The following GNG12 variants were observed in gnomAD, a reference collection of about 807,000 sequenced individuals.
The protein encoded by GNG12 is G protein subunit gamma 12, also known as guanine nucleotide-binding protein G(I)/G(S)/G(O) subunit gamma-12.
For synonymous variants in GNG12, 28 were observed against 29.7 expected, an observed-to-expected ratio of 0.94 and a Z score of 0.19; for missense variants, 69 against 83.8, an observed-to-expected ratio of 0.82 and a Z score of 0.69.
At chr1:67,757,447 A>T (rs1421884347) in intron 2 of GNG12, among the ~76,000 whole-genome samples, 2 of 152,148 alleles carry the variant, frequency 1.3e-5, no homozygotes, top group South Asian at 2.1e-4. Context: ...CTCATCACTC[A>T]TGTCTCCTTC....
At chr1:67,810,601 T>C (rs1394562353) in intron 1 of GNG12, among the ~76,000 whole-genome samples, 2 of 152,210 alleles carry the variant, frequency 1.3e-5, no homozygotes, top group East Asian at 1.9e-4. Flanking sequence ...TAAAAAAAGA[T>C]TGATTTGTGA....
chr1:67,756,273 T>A (rs1352848039), intron 2 of GNG12, among the ~76,000 whole-genome samples: 2 of 152,026 alleles, frequency 1.3e-5, no homozygotes, highest in Admixed American at 6.5e-5. Context: ...ACCAAAAAAA[T>A]AATAAATAAA....
chr1:67,739,487 A>G (rs2100710466), intron 2 of GNG12, among the ~76,000 whole-genome samples: 1 of 152,338 alleles, frequency 6.6e-6, no homozygotes, highest in East Asian at 1.9e-4. Flanking sequence ...GCAGGCTGAC[A>G]TCACACAACT....
chr1:67,715,941 G>C (rs773404441), intron 2 of GNG12, among the ~76,000 whole-genome samples: 1 of 152,218 alleles, frequency 6.6e-6, no homozygotes, highest in African/African-American at 2.4e-5. Flanking sequence ...AAGGAGTTAA[G>C]ACATAAAATT....
At chr1:67,782,414 T>A (rs184487938) in intron 1 of GNG12, among the ~76,000 whole-genome samples, 93 of 152,268 alleles carry the variant, frequency 6.1e-4, no homozygotes, top group African/African-American at 2.1e-3. Context: ...CCCCGAAAGG[T>A]TGAACTGGCC....
chr1:67,738,312 C>T (rs74080863), intron 2 of GNG12, among the ~76,000 whole-genome samples: 3,299 of 152,226 alleles, frequency 0.022, 117 homozygotes, highest in African/African-American at 0.075. Context: ...TTAGTGATTT[C>T]GTTTTGTACT....
chr1:67,765,760 A>G (rs1024455976), intron 2 of GNG12, among the ~76,000 whole-genome samples: 2 of 152,240 alleles, frequency 1.3e-5, no homozygotes, highest in African/African-American at 4.8e-5. Context: ...ATAAACTAGC[A>G]GGACTAAATC....
chr1:67,725,088 A>G (rs1212175001), intron 2 of GNG12, among the ~76,000 whole-genome samples: 1 of 152,128 alleles, frequency 6.6e-6, no homozygotes, highest in African/African-American at 2.4e-5. Context: ...GGGAGCATGG[A>G]CAGGATTAAA....
chr1:67,769,538 C>G lies in GNG12; in HGVS notation c.-27+7920G>C, dbSNP rs1395437509. Among the ~76,000 whole-genome samples the G allele has an allele frequency of 2.6e-5, 4 of 152,108 alleles. No individual in the cohort carries two copies. The East Asian group carries it at 7.7e-4, about 29-fold the overall frequency. ...TTCCATGAAGCACAGCAAATACGTTCTCAGATCAAGAGAAACTATGTTAGG... is the reference window on the plus strand; with the variant it reads ...TTCCATGAAGCACAGCAAATACGTTGTCAGATCAAGAGAAACTATGTTAGG... On this transcript the variant is annotated intron_variant, in intron 2 of 3. Coordinates refer to ENST00000370982, the MANE Select transcript of GNG12 (RefSeq NM_018841.6).
intron 2 of GNG12, among the ~76,000 whole-genome samples, chr1:67,774,013 G>A: frequency 1.3e-5 from 2 of 152,198 alleles, no homozygotes; most frequent in East Asian, 3.8e-4. Context: ...TCATTCACCT[G>A]CACCGAGGCA....
chr1:67,791,300 G>A (rs1646800952), intron 1 of GNG12, among the ~76,000 whole-genome samples: 2 of 152,232 alleles, frequency 1.3e-5, no homozygotes, highest in African/African-American at 4.8e-5. Context: ...ACTGTGATAT[G>A]TATTTTCAGT....
intron 2 of GNG12, among the ~76,000 whole-genome samples, chr1:67,765,166 T>C (rs900036376): frequency 2.0e-5 from 3 of 152,138 alleles, no homozygotes. Flanking sequence ...ATCTATAAAA[T>C]GTATGCACAC....
rs1646242599 is a variant in GNG12, at chr1:67,705,581, C to G, written c.94-5G>C. ...GTCCGCTGATGCCTTCGAAACCTGA[C>G]ATGGAGATAAATCAAACAAACAAGA... On this transcript the variant is annotated splice_polypyrimidine_tract_variant and splice_region_variant and intron_variant, in intron 3 of 3. Coordinates refer to ENST00000370982, the MANE Select transcript of GNG12 (RefSeq NM_018841.6). 8 of 1,601,260 alleles carry G rather than the reference C, an allele frequency of 5.0e-6. No individual in the cohort carries two copies. Among genetic ancestry groups the G allele is most frequent in the Non-Finnish European group, 6.8e-6 (8 of 1,176,116 alleles).
chr1:67,788,363 G>A (rs938144996), intron 1 of GNG12, among the ~76,000 whole-genome samples: 17 of 152,076 alleles, frequency 1.1e-4, no homozygotes. Context: ...GACAGTGTCT[G>A]ATTCTGTCAC....
intron 2 of GNG12, among the ~76,000 whole-genome samples, chr1:67,734,234 T>C (rs1035007536): frequency 6.6e-6 from 1 of 150,842 alleles, no homozygotes; most frequent in Non-Finnish European, 1.5e-5. Flanking sequence ...AAGCAGATGG[T>C]GAGAGGCAGA....
chr1:67,779,930 C>G (rs1055436971), intron 1 of GNG12, among the ~76,000 whole-genome samples: 1 of 152,122 alleles, frequency 6.6e-6, no homozygotes, highest in Non-Finnish European at 1.5e-5. Context: ...GCAACTATAA[C>G]ACAATGCTAT....
At chr1:67,756,169 T>C (rs1218728696) in intron 2 of GNG12, among the ~76,000 whole-genome samples, 1 of 152,060 alleles carries the variant, frequency 6.6e-6, no homozygotes, top group Admixed American at 6.6e-5. Context: ...AGGTAGAGGG[T>C]GCAATAGAGA....
At chr1:67,782,470 G>C (rs1646743296) in intron 1 of GNG12, among the ~76,000 whole-genome samples, 1 of 152,130 alleles carries the variant, frequency 6.6e-6, no homozygotes, top group African/African-American at 2.4e-5. Flanking sequence ...CCTTGGGACT[G>C]GCTCCTGGCT....
At chr1:67,822,368 C>A (rs1013777059) in intron 1 of GNG12, among the ~76,000 whole-genome samples, 5 of 152,014 alleles carry the variant, frequency 3.3e-5, no homozygotes, top group African/African-American at 1.2e-4. Flanking sequence ...TACAGGACCA[C>A]AGAGACCCAG....
Sources: allele counts gnomAD v4.1 joint callset (sites outside exome capture counted in the v4.1 genomes callset), GRCh38; gene constraint gnomAD v4.1.1; transcripts MANE v1.5; gene names NCBI Gene and HGNC (gene_info 2026-07-23, HGNC 2026-07-21).